The following MAP2 variants were observed in gnomAD, a reference collection of about 807,000 sequenced individuals.
MAP2 encodes microtubule-associated protein 2.
A neutral mutation model predicts 137.6 loss-of-function variants in MAP2; 14 were observed. The observed-to-expected ratio is 0.10, with a 90% CI of 0.07 to 0.16. MAP2 has a LOEUF of 0.16. MAP2 is among the 10% of genes least tolerant of loss of function. The pLI, the probability that MAP2 is intolerant of heterozygous loss-of-function variation, is 1.00. For missense variants in MAP2, 2,088 were observed against 2,191.5 expected (o/e 0.95, Z 0.94); for synonymous variants, 786 against 782.3 (o/e 1.00, Z -0.08).
At position 209,488,607 on chromosome 2, in the gene MAP2, G is replaced by A. The variant is rs2058686940; in HGVS notation, c.-221-18985G>A. Among the ~76,000 whole-genome samples the A allele has an allele frequency of 2.0e-5, 3 of 152,068 alleles. No homozygotes were observed. In the South Asian group the frequency reaches 6.2e-4, roughly 32 times the overall value. On this transcript the variant is annotated intron_variant, in intron 1 of 15. Coordinates refer to ENST00000682079, the MANE Select transcript of MAP2 (RefSeq NM_001375505.1). ...GATGCTCGAGCTTGGTGGGGGGAGGGGTGTCTGCCATTACTGAGGCTTGGG... is the reference window on the plus strand; with the variant it reads ...GATGCTCGAGCTTGGTGGGGGGAGGAGTGTCTGCCATTACTGAGGCTTGGG...
intron 1 of MAP2, among the ~76,000 whole-genome samples, chr2:209,500,451 T>G (rs1350113197): frequency 1.3e-5 from 2 of 152,282 alleles, no homozygotes; most frequent in Non-Finnish European, 2.9e-5. Context: ...CCACTCCATC[T>G]CCACCTATCA....
intron 7 of MAP2, among the ~76,000 whole-genome samples, chr2:209,685,106 G>A (rs942662704): frequency 7.2e-5 from 11 of 152,144 alleles, no homozygotes; most frequent in African/African-American, 2.2e-4. Flanking sequence ...TATGGTTTAT[G>A]TCTGGAGAAG....
At chr2:209,722,551 G>C (rs980235968) in intron 13 of MAP2, among the ~76,000 whole-genome samples, 1 of 152,080 alleles carries the variant, frequency 6.6e-6, no homozygotes, top group Non-Finnish European at 1.5e-5. Context: ...AGGTGGGGAA[G>C]AGAAGAGAGT....
chr2:209,659,848 C>T (rs1406534654), intron 5 of MAP2, among the ~76,000 whole-genome samples: 1 of 151,940 alleles, frequency 6.6e-6, no homozygotes, highest in African/African-American at 2.4e-5. Context: ...ACCATCCTGG[C>T]TAACACTGTG....
intron 2 of MAP2, among the ~76,000 whole-genome samples, chr2:209,530,874 T>A (rs1226524009): frequency 1.3e-5 from 2 of 152,184 alleles, no homozygotes; most frequent in African/African-American, 4.8e-5. Context: ...AATGTGTCTT[T>A]TCTCCCATAT....
intron 2 of MAP2, among the ~76,000 whole-genome samples, chr2:209,518,162 A>C (rs563867774): frequency 6.6e-6 from 1 of 152,208 alleles, no homozygotes; most frequent in Non-Finnish European, 1.5e-5. Context: ...ATCCAGTTGT[A>C]GTTCATTTGA....
At chr2:209,450,430 T>C (rs2149476345) in intron 1 of MAP2, among the ~76,000 whole-genome samples, 1 of 152,298 alleles carries the variant, frequency 6.6e-6, no homozygotes, top group East Asian at 1.9e-4. Flanking sequence ...CCAAGTGAAG[T>C]CTCCCATGTC....
intron 5 of MAP2, among the ~76,000 whole-genome samples, chr2:209,660,500 T>C (rs1256958957): frequency 2.8e-5 from 4 of 143,904 alleles, no homozygotes. Context: ...TTCACGCCAT[T>C]CTCCCGCCTC....
In MAP2 at chr2:209,687,807, C is replaced by T. The variant is rs575498526; in HGVS notation, c.455-4818C>T. Among the ~76,000 whole-genome samples, 4 of 152,228 alleles carry T rather than the reference C, an allele frequency of 2.6e-5. No individual in the cohort carries two copies. In the East Asian group the frequency reaches 7.7e-4, roughly 29 times the overall value. ...GCGGGGAGAGGCGTGGACTCCTAGCCCCCTCCATCTCAGTGTCTGTGCCTG... is the reference window on the plus strand; with the variant it reads ...GCGGGGAGAGGCGTGGACTCCTAGCTCCCTCCATCTCAGTGTCTGTGCCTG... On this transcript the variant is annotated intron_variant, in intron 7 of 15. Coordinates refer to ENST00000682079, the MANE Select transcript of MAP2 (RefSeq NM_001375505.1).
intron 1 of MAP2, among the ~76,000 whole-genome samples, chr2:209,507,108 C>G (rs2061168587): frequency 6.6e-6 from 1 of 152,034 alleles, no homozygotes; most frequent in South Asian, 2.1e-4. Context: ...AATCACCTTC[C>G]AAAGGCCCCA....
intron 1 of MAP2, among the ~76,000 whole-genome samples, chr2:209,453,357 A>C (rs1376010676): frequency 6.6e-6 from 1 of 152,170 alleles, no homozygotes; most frequent in Non-Finnish European, 1.5e-5. Flanking sequence ...TGGCAAATTC[A>C]TTCCTGCATA....
intron 1 of MAP2, among the ~76,000 whole-genome samples, chr2:209,465,629 CT>C (rs1440100432): frequency 6.6e-6 from 1 of 152,076 alleles, no homozygotes; most frequent in East Asian, 1.9e-4. Flanking sequence ...GACAATAATA[CT>C]TTCTCCATTC....
intron 2 of MAP2, among the ~76,000 whole-genome samples, chr2:209,534,882 G>T (rs577238729): frequency 3.2e-4 from 49 of 152,196 alleles, no homozygotes; most frequent in African/African-American, 1.2e-3. Context: ...AATGGAATAC[G>T]TGCATTTTTT....
At chr2:209,577,064 C>T (rs1484847708) in intron 2 of MAP2, among the ~76,000 whole-genome samples, 1 of 152,102 alleles carries the variant, frequency 6.6e-6, no homozygotes, top group Non-Finnish European at 1.5e-5. Context: ...TGTTCCCAGA[C>T]ATAAGTCTTA....
At chr2:209,710,400 T>C (rs887639932) in intron 13 of MAP2, 146 bp downstream of exon 13, 8 of 682,150 alleles carry the variant, frequency 1.2e-5, no homozygotes, top group Middle Eastern at 3.2e-4. Context: ...GACTTTACAT[T>C]AGGAAGATAG....
chr2:209,641,112 T>C (rs573650472), intron 4 of MAP2, among the ~76,000 whole-genome samples: 2 of 152,216 alleles, frequency 1.3e-5, no homozygotes, highest in Admixed American at 6.6e-5. Context: ...TTCTTCATAA[T>C]GTGGCTCTCA....
chr2:209,494,654 A>C (rs2059538875), intron 1 of MAP2, among the ~76,000 whole-genome samples: 1 of 152,218 alleles, frequency 6.6e-6, no homozygotes, highest in Admixed American at 6.5e-5. Flanking sequence ...GACAACCAAC[A>C]GCCCTCAGGG....
At chr2:209,603,452 T>G (rs1045960448) in intron 3 of MAP2, among the ~76,000 whole-genome samples, 5 of 152,070 alleles carry the variant, frequency 3.3e-5, no homozygotes, top group African/African-American at 1.2e-4. Context: ...ATTAACAGAT[T>G]GTGCATGAAC....
At chr2:209,529,612 T>C (rs1282623590) in intron 2 of MAP2, among the ~76,000 whole-genome samples, 2 of 152,128 alleles carry the variant, frequency 1.3e-5, no homozygotes, top group Non-Finnish European at 2.9e-5. Context: ...AAAATCCCTT[T>C]ATAATTATTC....
Sources: gnomAD v4.1 joint callset for allele counts (sites outside exome capture counted in the v4.1 genomes callset) on GRCh38, gnomAD v4.1.1 for gene constraint, MANE v1.5 for transcripts, NCBI Gene and HGNC (gene_info 2026-07-23, HGNC 2026-07-21) for gene names.